ACAD9: variants seen among roughly 807,000 people sequenced by gnomAD.
ACAD9 encodes acyl-CoA dehydrogenase family member 9.
ACAD9 carries 53 observed loss-of-function variants against 70.2 expected under a neutral mutation model. That is an observed-to-expected ratio of 0.75 (90% confidence interval 0.61 to 0.95). The LOEUF is 0.95. Among genes scored for constraint, ACAD9 ranks in the 40% least tolerant of loss-of-function variants. ACAD9 has a pLI of 0.00. For missense variants in ACAD9, 777 were observed against 802.8 expected, an observed-to-expected ratio of 0.97 and a Z score of 0.39; for synonymous variants, 313 against 312.1, an observed-to-expected ratio of 1.00 and a Z score of -0.03.
At chr3:128,897,743 C>T in intron 6 of ACAD9, 33 bp downstream of exon 6, 2 of 1,594,950 alleles carry the variant, frequency 1.3e-6, no homozygotes, top group South Asian at 2.2e-5. Context: ...ACATTAGGGT[C>T]TCAGTCACAA....
intron 6 of ACAD9, 97 bp from the exon 7 acceptor site, chr3:128,899,190 G>A (rs1003816675): frequency 9.0e-6 from 12 of 1,335,718 alleles, no homozygotes; most frequent in Non-Finnish European, 1.2e-5. Context: ...TCTGGCCTGA[G>A]GTCTGACTGG....
intron 6 of ACAD9, among the ~76,000 whole-genome samples, chr3:128,898,877 C>T (rs559696738): frequency 6.6e-6 from 1 of 152,290 alleles, no homozygotes; most frequent in South Asian, 2.1e-4. Flanking sequence ...CACCCTCCCG[C>T]CTTTTTTCAT....
chr3:128,903,800 G>GCACA (rs933239062), intron 9 of ACAD9, among the ~76,000 whole-genome samples: 26 of 152,164 alleles, frequency 1.7e-4, no homozygotes, highest in African/African-American at 6.0e-4. Flanking sequence ...TCGGCCTGAG[G>GCACA]CACAGCCTGT....
At chr3:128,895,541 C>A in intron 4 of ACAD9, 125 bp downstream of exon 4, 1 of 862,022 alleles carries the variant, frequency 1.2e-6, no homozygotes, top group South Asian at 1.4e-5. Flanking sequence ...CCCTGCCCTT[C>A]AGTTCCCTCA....
In ACAD9 at chr3:128,909,014, T is replaced by C. The variant is rs975817037; in HGVS notation, c.1400T>C (p.Val467Ala). 1.2e-6 allele frequency: 2 copies of C among 1,614,050 alleles called. No individual in the cohort carries two copies. Among genetic ancestry groups the C allele is most frequent in the East Asian group, 2.2e-5 (1 of 44,898 alleles). Reference protein sequence around the residue: ...QAKVSTVMDTVGRRLRDSLGR... With the variant: ...QAKVSTVMDTAGRRLRDSLGR... ...AAAGTGAGCACAGTCATGGATACCG[T>C]TGGCCGGAGGCTTCGGGACTCCCTG... Residue 467 changes from valine to alanine, a missense_variant, in exon 14 of 18, where the codon GTT becomes GCT. Val to Ala is a moderately conservative substitution (Grantham distance 64). Transcript: ENST00000308982.
chr3:128,892,533 G>A (rs1935452530), intron 2 of ACAD9, among the ~76,000 whole-genome samples: 1 of 152,180 alleles, frequency 6.6e-6, no homozygotes, highest in African/African-American at 2.4e-5. Context: ...TGTAGTGAAT[G>A]TGAATTTTTA....
intron 15 of ACAD9, 199 bp downstream of exon 15, chr3:128,909,620 G>T: frequency 1.5e-6 from 1 of 648,362 alleles, no homozygotes. Flanking sequence ...TACCCTTGCT[G>T]GGTGAGTTTT....
intron 6 of ACAD9, among the ~76,000 whole-genome samples, chr3:128,897,958 A>G (rs559073625): frequency 4.0e-5 from 6 of 151,752 alleles, no homozygotes; most frequent in East Asian, 2.0e-4. Flanking sequence ...CAGGTTTCCA[A>G]TGATTCTCCT....
At position 128,912,675 on chromosome 3, in the gene ACAD9, C is replaced by T. The variant is rs116106966; in HGVS notation, c.*68C>T. 3.9e-3 allele frequency: 5,195 copies of T among 1,345,614 alleles called. 144 individuals are homozygous for T. The African/African-American group carries it at 0.064, about 17-fold the overall frequency. The allele number at this position is 1,345,614 out of a possible 1,614,324, so 83.4% of individuals were successfully genotyped here. A position where few individuals can be genotyped will look rare whatever the true frequency, so the allele number is the denominator to read the frequency against. On this transcript the variant is annotated 3_prime_UTR_variant, in exon 18 of 18. Coordinates refer to ENST00000308982, the MANE Select transcript of ACAD9 (RefSeq NM_014049.5). ...GGCCCGTTGCTGGATGACTGTTACT[C>T]TTTTTTCAGAAGGTGTTGGGATTAT...
In ACAD9 at chr3:128,910,824, T is replaced by G. The variant is rs1936211587; in HGVS notation, c.1765+11T>G. 5.0e-6 allele frequency: 8 copies of G among 1,614,006 alleles called. No individual in the cohort carries two copies. Among genetic ancestry groups the G allele is most frequent in the Middle Eastern group, 3.3e-4 (2 of 6,058 alleles). ...CTCAGCTGGACAAGTGTGAGTGGCATGTCTTGGGGGAGGGAAGGAAGGGCC... is the reference window on the plus strand; with the variant it reads ...CTCAGCTGGACAAGTGTGAGTGGCAGGTCTTGGGGGAGGGAAGGAAGGGCC... On this transcript the variant is annotated intron_variant, in intron 17 of 17. Transcript: ENST00000308982.
At chr3:128,893,115 G>A (rs990641767) in intron 2 of ACAD9, among the ~76,000 whole-genome samples, 1 of 151,966 alleles carries the variant, frequency 6.6e-6, no homozygotes, top group African/African-American at 2.4e-5. Context: ...CGAGGCTGTG[G>A]TGGGAAGATT....
chr3:128,912,485 C>T (rs1936445515), intron 17 of ACAD9, 22 bp from the exon 18 acceptor site: 3 of 1,601,144 alleles, frequency 1.9e-6, no homozygotes, highest in Admixed American at 1.7e-5. Context: ...GATCACCCAC[C>T]ATCTCTCCTT....
At chr3:128,899,238 G>A in intron 6 of ACAD9, 49 bp from the exon 7 acceptor site, 1 of 1,594,634 alleles carries the variant, frequency 6.3e-7, no homozygotes. Flanking sequence ...AGCTGAGGTG[G>A]GTCACATAGG....
At chr3:128,897,162 G>C (rs1435425603) in intron 5 of ACAD9, among the ~76,000 whole-genome samples, 4 of 152,138 alleles carry the variant, frequency 2.6e-5, no homozygotes, top group Admixed American at 2.6e-4. Flanking sequence ...GCTAAATCCA[G>C]CCTCCTGCCT....
At chr3:128,892,138 G>A (rs1269483639) in intron 2 of ACAD9, among the ~76,000 whole-genome samples, 2 of 152,118 alleles carry the variant, frequency 1.3e-5, no homozygotes, top group Non-Finnish European at 2.9e-5. Context: ...GTGGACAGAT[G>A]GATCGATCAC....
At chr3:128,906,565 C>A (rs1006085859) in intron 12 of ACAD9, among the ~76,000 whole-genome samples, 3 of 152,120 alleles carry the variant, frequency 2.0e-5, no homozygotes, top group African/African-American at 7.2e-5. Flanking sequence ...AGGCAGGGAG[C>A]GGGCATCCTC....
At chr3:128,908,876 G>T (rs112494321) in intron 13 of ACAD9, 97 bp from the exon 14 acceptor site, 32 of 1,594,264 alleles carry the variant, frequency 2.0e-5, no homozygotes, top group African/African-American at 1.9e-4. Context: ...CAGGCCAGAG[G>T]GGGGCACGGA....
intron 6 of ACAD9, among the ~76,000 whole-genome samples, chr3:128,898,747 T>C (rs1418800443): frequency 2.6e-5 from 4 of 152,180 alleles, no homozygotes; most frequent in African/African-American, 9.7e-5. Context: ...GATTGCCTCA[T>C]ACCTTTTTTT....
chr3:128,908,294 A>G (rs1259271147), intron 13 of ACAD9, 30 bp downstream of exon 13: 6 of 1,612,954 alleles, frequency 3.7e-6, no homozygotes, highest in South Asian at 1.1e-5. Context: ...TGTGCTTCTC[A>G]GGTCCCATAC....
Sources: gnomAD v4.1 joint callset for allele counts (sites outside exome capture counted in the v4.1 genomes callset) on GRCh38, gnomAD v4.1.1 for gene constraint, MANE v1.5 for transcripts, NCBI Gene and HGNC (gene_info 2026-07-23, HGNC 2026-07-21) for gene names.